The following NXPH2 variants were observed in gnomAD, a reference collection of about 807,000 sequenced individuals.
The protein encoded by NXPH2 is neurexophilin 2.
In NXPH2, 5 loss-of-function variants were observed where a neutral mutation model predicts 19.8. The observed-to-expected ratio is 0.25, with a 90% CI of 0.13 to 0.53. The LOEUF (loss-of-function observed/expected upper bound fraction) is 0.53, where lower values mean the gene tolerates loss of function less well. NXPH2 is among the 20% of genes least tolerant of loss of function. NXPH2 has a pLI of 0.96. For missense variants in NXPH2, 289 were observed against 322.8 expected, an observed-to-expected ratio of 0.90 and a Z score of 0.80; for synonymous variants, 154 against 127.4, an observed-to-expected ratio of 1.21 and a Z score of -1.41.
rs892597897 is a variant in NXPH2 at position 138,669,598 on chromosome 2, A to G, written c.*1324T>C. Among the ~76,000 whole-genome samples the G allele has an allele frequency of 6.6e-6, 1 of 152,156 alleles. No homozygotes were observed. Among genetic ancestry groups the G allele is most frequent in the Non-Finnish European group, 1.5e-5 (1 of 68,022 alleles). ...TTTTACTTTAATTAATATTTTACAG[A>G]TAAGAAGGGAGAAAGAAGTTAACAT... On this transcript the variant is annotated 3_prime_UTR_variant, in exon 2 of 2. Transcript: ENST00000272641.
In NXPH2 at chr2:138,671,230, G is replaced by T; in HGVS notation, c.487C>A (p.Pro163Thr). Reference protein sequence around the residue: ...LGNVSVSLVPPSKVVEFEVSP... With the variant: ...LGNVSVSLVPTSKVVEFEVSP... ...ACTTCAAATTCCACCACCTTGGAGG[G>T]TGGTACCAAGCTCACTGAAACATTG... The change falls in exon 2 of 2, where the codon CCC (proline) becomes ACC (threonine). Residue 163 changes from proline to threonine, a missense_variant. By Grantham distance (38) the Pro-to-Thr change is conservative. Coordinates refer to ENST00000272641, the MANE Select transcript of NXPH2 (RefSeq NM_007226.3). 1 of 1,613,874 alleles carries T rather than the reference G, an allele frequency of 6.2e-7. No individual in the cohort carries two copies. The highest frequency in any genetic ancestry group is 8.5e-7 in the Non-Finnish European group (1 of 1,179,808).
intron 1 of NXPH2, among the ~76,000 whole-genome samples, chr2:138,716,665 A>G (rs1184913572): frequency 6.6e-6 from 1 of 152,192 alleles, no homozygotes; most frequent in Non-Finnish European, 1.5e-5. Flanking sequence ...TGTTATCCTG[A>G]GTAGCCCCTT....
intron 1 of NXPH2, among the ~76,000 whole-genome samples, chr2:138,683,119 C>T (rs957724703): frequency 1.3e-5 from 2 of 152,016 alleles, no homozygotes; most frequent in Admixed American, 6.6e-5. Flanking sequence ...TAAAAATGGT[C>T]AGATCACAGT....
chr2:138,739,653 C>A (rs1336515122), intron 1 of NXPH2, among the ~76,000 whole-genome samples: 1 of 152,170 alleles, frequency 6.6e-6, no homozygotes, highest in Non-Finnish European at 1.5e-5. Flanking sequence ...GGACGTTTGA[C>A]TTTCCTCTGC....
At chr2:138,696,645 T>C (rs13403676) in intron 1 of NXPH2, among the ~76,000 whole-genome samples, 4,897 of 152,192 alleles carry the variant, frequency 0.032, 276 homozygotes, top group African/African-American at 0.11. Flanking sequence ...TGTACATTGT[T>C]GGTGGGAAAA....
intron 1 of NXPH2, among the ~76,000 whole-genome samples, chr2:138,701,410 A>G (rs762673497): frequency 1.4e-4 from 21 of 152,174 alleles, no homozygotes; most frequent in Non-Finnish European, 7.4e-5. Flanking sequence ...ACAAAGATGG[A>G]TAGGAAGGAA....
chr2:138,675,441 A>C (rs1274938793), intron 1 of NXPH2, among the ~76,000 whole-genome samples: 1 of 152,140 alleles, frequency 6.6e-6, no homozygotes, highest in East Asian at 1.9e-4. Context: ...CATGATAGAC[A>C]CTGATACCTT....
At chr2:138,689,934 C>T (rs903866838) in intron 1 of NXPH2, among the ~76,000 whole-genome samples, 3 of 152,158 alleles carry the variant, frequency 2.0e-5, no homozygotes, top group African/African-American at 7.2e-5. Context: ...TGGGCCTGTA[C>T]ATGCAGGAAG....
At chr2:138,766,054 T>C (rs957724124) in intron 1 of NXPH2, among the ~76,000 whole-genome samples, 5 of 152,180 alleles carry the variant, frequency 3.3e-5, no homozygotes, top group African/African-American at 1.2e-4. Context: ...AAGGAAATCT[T>C]GTCCAGGCAA....
At chr2:138,753,614 A>G (rs1172842051) in intron 1 of NXPH2, among the ~76,000 whole-genome samples, 1 of 152,126 alleles carries the variant, frequency 6.6e-6, no homozygotes, top group African/African-American at 2.4e-5. Context: ...ATATCTATAA[A>G]TATTTTTATG....
intron 1 of NXPH2, among the ~76,000 whole-genome samples, chr2:138,697,145 A>T (rs113610004): frequency 2.6e-5 from 4 of 152,138 alleles, no homozygotes; most frequent in African/African-American, 9.7e-5. Flanking sequence ...CTATAGGCAG[A>T]TCAGTGGTTG....
intron 1 of NXPH2, among the ~76,000 whole-genome samples, chr2:138,678,662 T>C (rs1680523231): frequency 6.6e-6 from 1 of 152,218 alleles, no homozygotes; most frequent in Admixed American, 6.5e-5. Context: ...ATATTGCTAT[T>C]TTATTTTTAT....
Position 138,763,094 on chromosome 2 carries a change from A to G in NXPH2, c.51+17097T>C, listed in dbSNP as rs1446057804. On this transcript the variant is annotated intron_variant, in intron 1 of 1. Transcript: ENST00000272641. ...GACTAAAATAAAAATCTGATACAGG[A>G]TGATTGGAATTGGAAAAGACAGTAA... Among the ~76,000 whole-genome samples the G allele has an allele frequency of 2.0e-5, 3 of 152,218 alleles. No homozygotes were observed. In the East Asian group the frequency reaches 5.8e-4, roughly 29 times the overall value.
intron 1 of NXPH2, among the ~76,000 whole-genome samples, chr2:138,752,759 A>G (rs971443614): frequency 6.6e-6 from 1 of 151,980 alleles, no homozygotes; most frequent in Non-Finnish European, 1.5e-5. Flanking sequence ...AGTTTCTCAG[A>G]CTTTCTTTGT....
At chr2:138,766,662 CT>C (rs1265798998) in intron 1 of NXPH2, among the ~76,000 whole-genome samples, 6 of 152,146 alleles carry the variant, frequency 3.9e-5, no homozygotes, top group Non-Finnish European at 4.4e-5. Flanking sequence ...AGGAGCATGA[CT>C]TTACCACTGC....
At chr2:138,697,457 A>T (rs900489572) in intron 1 of NXPH2, among the ~76,000 whole-genome samples, 4 of 152,116 alleles carry the variant, frequency 2.6e-5, no homozygotes, top group East Asian at 3.9e-4. Context: ...GTATTAAAAG[A>T]TAATTTATAT....
intron 1 of NXPH2, among the ~76,000 whole-genome samples, chr2:138,686,658 C>T (rs1316569614): frequency 1.3e-5 from 2 of 152,082 alleles, no homozygotes; most frequent in East Asian, 3.9e-4. Flanking sequence ...CCCATTAACT[C>T]GTCATTTACA....
intron 1 of NXPH2, among the ~76,000 whole-genome samples, chr2:138,736,031 C>T (rs921128477): frequency 6.6e-5 from 10 of 152,196 alleles, no homozygotes; most frequent in Non-Finnish European, 1.5e-5. Flanking sequence ...CACTGTGGCT[C>T]TGCAGGGTAC....
chr2:138,679,985 G>A (rs559330475), intron 1 of NXPH2, among the ~76,000 whole-genome samples: 7 of 152,082 alleles, frequency 4.6e-5, no homozygotes, highest in African/African-American at 1.7e-4. Context: ...CTGTCACTGC[G>A]TCCTCCAGTG....
Sources: gnomAD v4.1 joint callset for allele counts (sites outside exome capture counted in the v4.1 genomes callset) on GRCh38, gnomAD v4.1.1 for gene constraint, MANE v1.5 for transcripts, NCBI Gene and HGNC (gene_info 2026-07-23, HGNC 2026-07-21) for gene names.